Variants in ZFP36L1 observed in about 807,000 individuals in gnomAD.
The protein encoded by ZFP36L1 is ZFP36 like 1 zinc finger CCCH-type.
ZFP36L1 carries 4 observed loss-of-function variants against 16.7 expected under a neutral mutation model. That is an observed-to-expected ratio of 0.24 (90% CI 0.12 to 0.55). The LOEUF (loss-of-function observed/expected upper bound fraction) is 0.55, where lower values mean the gene tolerates loss of function less well. ZFP36L1 is among the 20% of genes least tolerant of loss of function. The pLI is 0.94. For synonymous variants in ZFP36L1, 220 were observed against 190.8 expected (o/e 1.15, Z -1.26); for missense variants, 311 against 449.2 (o/e 0.69, Z 2.78).
upstream of ZFP36L1, chr14:68,795,955 C>T: frequency 7.8e-7 from 1 of 1,282,886 alleles, no homozygotes; most frequent in South Asian, 1.2e-5. Flanking sequence ...GGCGGGAGGG[C>T]GGCCCTACGG....
At position 68,788,493 on chromosome 14, in the gene ZFP36L1, C is replaced by G. The variant is rs1419438157; in HGVS notation, c.*1040G>C. ...CGTGAGTGCTCTAAGGATAGACCTACGGTATTCTAGAGCAAAAACCATTAA... is the reference window on the plus strand; with the variant it reads ...CGTGAGTGCTCTAAGGATAGACCTAGGGTATTCTAGAGCAAAAACCATTAA... On this transcript the variant is annotated 3_prime_UTR_variant, in exon 2 of 2. Coordinates refer to ENST00000439696, the MANE Select transcript of ZFP36L1 (RefSeq NM_004926.4). The G allele has an allele frequency of 6.6e-6, 1 of 152,570 alleles. No homozygotes were observed. Among genetic ancestry groups the G allele is most frequent in the African/African-American group, 2.4e-5 (1 of 41,368 alleles). The allele number at this position is 152,570 out of a possible 1,614,324, so 9.5% of individuals were successfully genotyped here.
chr14:68,793,596 C>A (rs1042307491), upstream of ZFP36L1: 7 of 985,970 alleles, frequency 7.1e-6, no homozygotes, highest in South Asian at 1.9e-4. Flanking sequence ...GCCGCGGTTT[C>A]CATCTTGAGC....
At chr14:68,795,648 C>T, upstream of ZFP36L1, 1 of 392,496 alleles carries the variant, frequency 2.5e-6, no homozygotes, top group South Asian at 1.9e-5. Flanking sequence ...CCCCCTCTCC[C>T]CGGGGGCGCG....
upstream of ZFP36L1, chr14:68,796,128 C>T (rs1410532801): frequency 1.5e-6 from 2 of 1,365,678 alleles, no homozygotes; most frequent in African/African-American, 3.0e-5. Flanking sequence ...TGTCCCAGGC[C>T]CGACTTCCGG....
intron 1 of ZFP36L1, chr14:68,791,120 C>G (rs1895057638): frequency 4.3e-6 from 3 of 693,788 alleles, no homozygotes; most frequent in East Asian, 5.4e-5. Flanking sequence ...GGATGTGATT[C>G]CTGAAAATAA....
Position 68,790,559 on chromosome 14 carries a change from C to A in ZFP36L1, c.58-67G>T, listed in dbSNP as rs531963284. 5 of 1,585,760 alleles carry A rather than the reference C, an allele frequency of 3.2e-6. No individual in the cohort carries two copies. The East Asian group carries it at 9.0e-5, about 29-fold the overall frequency. ...CACCAGGATGTCCACTATGGGCAGC[C>A]CCCTACACAATCACAAACGCCCGCT... On this transcript the variant is annotated intron_variant, in intron 1 of 1. Coordinates refer to ENST00000439696, the MANE Select transcript of ZFP36L1 (RefSeq NM_004926.4).
chr14:68,789,384 GCA>G lies in ZFP36L1; in HGVS notation c.*147_*148del. 1 of 1,183,918 alleles carries G rather than the reference GCA, an allele frequency of 8.4e-7. No homozygotes were observed. The highest frequency in any genetic ancestry group is 2.4e-5 in the East Asian group (1 of 41,540). 73.3% of individuals were successfully genotyped at this position (1,183,918 alleles called of 1,614,324 possible). On this transcript the variant is annotated 3_prime_UTR_variant, in exon 2 of 2. Coordinates refer to ENST00000439696, the MANE Select transcript of ZFP36L1 (RefSeq NM_004926.4). This position sits in a 1 kb window ranked among gnomAD's most constrained non-coding sequence, Gnocchi z 4.5. Reference sequence around the variant, plus strand: ...TGGGGTTATGAGGGGGAGAGGGAGGGCACATTCTGAGGTGCTGGGGGAAAGGG... The same window carrying G: ...TGGGGTTATGAGGGGGAGAGGGAGGGCATTCTGAGGTGCTGGGGGAAAGGG...
At chr14:68,792,664 C>A (rs1895125694) in intron 1 of ZFP36L1, among the ~76,000 whole-genome samples, 1 of 152,246 alleles carries the variant, frequency 6.6e-6, no homozygotes, top group South Asian at 2.1e-4. Flanking sequence ...CCCTGGCCTC[C>A]AGATTCACAT....
At chr14:68,793,887 T>A (rs1344230048), upstream of ZFP36L1, 5 of 962,656 alleles carry the variant, frequency 5.2e-6, no homozygotes, top group African/African-American at 9.1e-5. Flanking sequence ...GCGTCGACAC[T>A]CGCGCTCGCT....
chr14:68,793,263 G>A (rs1183372784), upstream of ZFP36L1: 3 of 1,078,284 alleles, frequency 2.8e-6, no homozygotes, highest in African/African-American at 5.0e-5. Context: ...GAAGGGGGAG[G>A]GGAGACGAGA....
At position 68,789,959 on chromosome 14, in the gene ZFP36L1, G is replaced by A. The variant is rs1292914985; in HGVS notation, c.591C>T (p.Arg197=). 6.2e-7 allele frequency: 1 copy of A among 1,607,508 alleles called. No homozygotes were observed. Among genetic ancestry groups the A allele is most frequent in the Non-Finnish European group, 8.5e-7 (1 of 1,177,528 alleles). Residue 197 remains arginine (R), a synonymous_variant, in exon 2 of 2, where the codon CGC becomes CGT. Transcript: ENST00000439696. The surrounding 1 kb of genome is among the most constrained non-coding windows in gnomAD (Gnocchi z 4.5). ...CAGCAAAGCTAAAGCTATGCTGGAG[G>A]CGGGGACGGTCAGCGGAGAGGTCCC... ...GARDLSADRP[R]LQHSFSFAGF...
chr14:68,790,466 A>G lies in ZFP36L1; in HGVS notation c.84T>C (p.Ala28=), dbSNP rs1895039775. 1 of 1,614,068 alleles carries G rather than the reference A, an allele frequency of 6.2e-7. No homozygotes were observed. The highest frequency in any genetic ancestry group is 8.5e-7 in the Non-Finnish European group (1 of 1,179,978). The part of the protein sequence containing the change: ...CKGNKMLNYS[A]PSAGGCLLDR... ...CCAGCAGGCAACCCCCTGCACTGGGAGCACTATAGTTGAGCATCTTGTTAC... is the reference window on the plus strand; with the variant it reads ...CCAGCAGGCAACCCCCTGCACTGGGGGCACTATAGTTGAGCATCTTGTTAC... Residue 28 remains alanine, a synonymous_variant, in exon 2 of 2, where the codon GCT becomes GCC. Coordinates refer to ENST00000439696, the MANE Select transcript of ZFP36L1 (RefSeq NM_004926.4).
upstream of ZFP36L1, chr14:68,795,807 TTTCCAAGGG>T (rs1384577124): frequency 1.9e-6 from 1 of 536,052 alleles, no homozygotes; most frequent in African/African-American, 1.9e-5. Context: ...TTTCGGGGAC[TTTCCAAGGG>T]TGAGGGAGCC....
chr14:68,791,762 G>C (rs896825200), intron 1 of ZFP36L1, among the ~76,000 whole-genome samples: 1 of 152,116 alleles, frequency 6.6e-6, no homozygotes, highest in Admixed American at 6.5e-5. Context: ...AGTGGAGTTT[G>C]GGAATGTGCA....
In ZFP36L1 at chr14:68,790,487, G is replaced by C; in HGVS notation, c.63C>G (p.Asn21Lys). 1 of 1,613,976 alleles carries C rather than the reference G, an allele frequency of 6.2e-7. No homozygotes were observed. The highest frequency in any genetic ancestry group is 8.5e-7 in the Non-Finnish European group (1 of 1,179,982). ...FDLSEVLCKG[N>K]KMLNYSAPSA... ...TGGGAGCACTATAGTTGAGCATCTT[G>C]TTACCCTGGAGAGAGAAGAGAAAGG... The change falls in exon 2 of 2, where the codon AAC (asparagine) becomes AAG (lysine). Residue 21 changes from asparagine to lysine, a missense_variant. Physicochemically the swap from Asn to Lys is moderately conservative, Grantham distance 94. Coordinates refer to ENST00000439696, the MANE Select transcript of ZFP36L1 (RefSeq NM_004926.4).
Position 68,789,693 on chromosome 14 carries a change from G to C in ZFP36L1, c.857C>G (p.Pro286Arg). 4 of 1,614,086 alleles carry C rather than the reference G, an allele frequency of 2.5e-6. No individual in the cohort carries two copies. The highest frequency in any genetic ancestry group is 2.5e-6 in the Non-Finnish European group (3 of 1,179,996). The stretch of plus-strand genomic sequence containing the variant: ...GCTGGGGGGAGAGTCAAACATGTGA[G>C]GGGACTCGGACATGGGCCGGAAGAG... ...TFLFRPMSES[P>R]HMFDSPPSPQ... is the part of the protein sequence containing the mutation. Residue 286 changes from proline (P) to arginine (R), a missense_variant, in exon 2 of 2, where the codon CCT (proline) becomes CGT (arginine). Pro to Arg is a moderately radical substitution (Grantham distance 103, BLOSUM62 -2). Transcript: ENST00000439696. This position sits in a 1 kb window ranked among gnomAD's most constrained non-coding sequence, Gnocchi z 4.5.
upstream of ZFP36L1, chr14:68,793,226 GGGA>G: frequency 1.0e-6 from 1 of 963,588 alleles, no homozygotes; most frequent in Non-Finnish European, 1.3e-6. Context: ...GGGGGGCAGG[GGGA>G]GGAGAAGAAA....
chr14:68,790,188 C>T lies in ZFP36L1; in HGVS notation c.362G>A (p.Arg121His). Residue 121 changes from arginine (R) to histidine (H), a missense_variant, in exon 2 of 2, where the codon CGC (arginine) becomes CAC (histidine). Coordinates refer to ENST00000439696, the MANE Select transcript of ZFP36L1 (RefSeq NM_004926.4). The part of the protein sequence containing the change: ...NSSRYKTELC[R>H]PFEENGACKY... Reference sequence around the variant, plus strand: ...ACAGGCACCGTTTTCCTCAAAGGGGCGGCACAGCTCCGTCTTGTAGCGGCT... The same window carrying T: ...ACAGGCACCGTTTTCCTCAAAGGGGTGGCACAGCTCCGTCTTGTAGCGGCT... 2.5e-6 allele frequency: 4 copies of T among 1,612,644 alleles called. No homozygotes were observed. The highest frequency in any genetic ancestry group is 1.7e-6 in the Non-Finnish European group (2 of 1,179,034).
chr14:68,793,167 G>A, upstream of ZFP36L1: 1 of 1,185,394 alleles, frequency 8.4e-7, no homozygotes. Flanking sequence ...GGAGGAAAAA[G>A]AAGTTGATTG....
Sources: gnomAD v4.1 joint callset for allele counts (sites outside exome capture counted in the v4.1 genomes callset) on GRCh38, gnomAD v4.1.1 for gene constraint, Gnocchi (gnomAD v3.1) non-coding constraint, MANE v1.5 for transcripts, NCBI Gene and HGNC (gene_info 2026-07-23, HGNC 2026-07-21) for gene names.